Variants in ZRANB3 observed in about 807,000 individuals in gnomAD.
The protein encoded by ZRANB3 is DNA annealing helicase and endonuclease ZRANB3.
In ZRANB3, 125 loss-of-function variants were observed where a neutral mutation model predicts 133.8. That is an observed-to-expected ratio of 0.93 (90% confidence interval 0.81 to 1.08). The LOEUF is 1.08. Among genes scored for constraint, ZRANB3 ranks in the 50% least tolerant of loss-of-function variants. The pLI, the probability that ZRANB3 is intolerant of heterozygous loss-of-function variation, is 0.00. For synonymous variants in ZRANB3, 387 were observed against 432.7 expected (o/e 0.89, Z 1.31); for missense variants, 1,229 against 1,275.5 (o/e 0.96, Z 0.56).
chr2:135,208,306 G>C (rs1391919299), intron 18 of ZRANB3, among the ~76,000 whole-genome samples: 2 of 152,326 alleles, frequency 1.3e-5, no homozygotes, highest in Non-Finnish European at 2.9e-5. Context: ...CAGCCATAAA[G>C]TGACAGAGTG....
intron 2 of ZRANB3, among the ~76,000 whole-genome samples, chr2:135,450,002 A>G (rs1398003514): frequency 6.6e-6 from 1 of 152,146 alleles, no homozygotes; most frequent in Non-Finnish European, 1.5e-5. Flanking sequence ...TCAGCCACCC[A>G]AAGTGCTGGG....
chr2:135,520,332 T>C (rs1693882353), intron 1 of ZRANB3, among the ~76,000 whole-genome samples: 1 of 150,438 alleles, frequency 6.6e-6, no homozygotes, highest in Admixed American at 6.6e-5. Context: ...GAGACGGAGG[T>C]TACAGTGAGC....
At chr2:135,499,147 T>C (rs780859466) in intron 2 of ZRANB3, among the ~76,000 whole-genome samples, 2 of 152,162 alleles carry the variant, frequency 1.3e-5, no homozygotes, top group Admixed American at 6.6e-5. Context: ...ATGTCTCCCC[T>C]GGACATCCAG....
At chr2:135,433,143 AC>A (rs1689390017) in intron 2 of ZRANB3, among the ~76,000 whole-genome samples, 1 of 152,090 alleles carries the variant, frequency 6.6e-6, no homozygotes, top group African/African-American at 2.4e-5. Flanking sequence ...GGAAGAATGA[AC>A]CCCCTAAGAT....
At chr2:135,312,809 A>C (rs968897121) in intron 8 of ZRANB3, among the ~76,000 whole-genome samples, 5 of 152,046 alleles carry the variant, frequency 3.3e-5, no homozygotes, top group African/African-American at 1.2e-4. Context: ...TGAGGTCAGG[A>C]GTTCAAGACC....
chr2:135,442,833 T>C (rs1689839629), intron 2 of ZRANB3, among the ~76,000 whole-genome samples: 1 of 152,196 alleles, frequency 6.6e-6, no homozygotes, highest in East Asian at 1.9e-4. Context: ...AAAGAAAATG[T>C]GGGCTGGGCG....
chr2:135,523,940 A>G (rs1356283226), intron 1 of ZRANB3, among the ~76,000 whole-genome samples: 1 of 152,242 alleles, frequency 6.6e-6, no homozygotes, highest in Non-Finnish European at 1.5e-5. Context: ...AGTGGGATAA[A>G]CAGTTTTAAG....
chr2:135,231,811 G>A (rs149537138), intron 12 of ZRANB3, among the ~76,000 whole-genome samples: 1 of 151,826 alleles, frequency 6.6e-6, no homozygotes, highest in Non-Finnish European at 1.5e-5. Context: ...ACAAAAAAAC[G>A]GGGGATGGAG....
intron 12 of ZRANB3, among the ~76,000 whole-genome samples, chr2:135,247,111 C>T (rs561528979): frequency 5.9e-5 from 9 of 152,306 alleles, no homozygotes; most frequent in African/African-American, 2.2e-4. Context: ...ATTACTGCCT[C>T]GTGTCATTTG....
intron 2 of ZRANB3, among the ~76,000 whole-genome samples, chr2:135,428,459 A>G (rs556141321): frequency 6.6e-6 from 1 of 151,988 alleles, no homozygotes; most frequent in East Asian, 1.9e-4. Context: ...ATTCATAATG[A>G]AGATTCCAAA....
chr2:135,205,559 T>C (rs1367540577), intron 19 of ZRANB3, among the ~76,000 whole-genome samples: 1 of 152,214 alleles, frequency 6.6e-6, no homozygotes, highest in Admixed American at 6.5e-5. Context: ...TTCCACTATA[T>C]TGCTCAGGCT....
At chr2:135,510,776 C>G in intron 1 of ZRANB3, 1 of 810,074 alleles carries the variant, frequency 1.2e-6, no homozygotes, top group Non-Finnish European at 2.2e-6. Flanking sequence ...ACCTTCTGAA[C>G]AGGCTCAGAA....
At chr2:135,404,268 T>A (rs1037297853) in intron 2 of ZRANB3, among the ~76,000 whole-genome samples, 2 of 152,134 alleles carry the variant, frequency 1.3e-5, no homozygotes, top group African/African-American at 2.4e-5. Flanking sequence ...GACCTGATGG[T>A]GCTGAAAACC....
intron 1 of ZRANB3, among the ~76,000 whole-genome samples, chr2:135,505,985 G>A (rs892784162): frequency 2.6e-5 from 4 of 152,142 alleles, no homozygotes; most frequent in Admixed American, 1.3e-4. Flanking sequence ...TGGTCTGAAA[G>A]ATGTAAAAAG....
At chr2:135,256,435 TCTC>T in intron 12 of ZRANB3, among the ~76,000 whole-genome samples, 1 of 152,054 alleles carries the variant, frequency 6.6e-6, no homozygotes, top group South Asian at 2.1e-4. Flanking sequence ...TATAGACAAT[TCTC>T]CTGTCTCAGC....
At chr2:135,338,846 C>T (rs1684496422) in intron 6 of ZRANB3, among the ~76,000 whole-genome samples, 2 of 152,100 alleles carry the variant, frequency 1.3e-5, no homozygotes, top group African/African-American at 4.8e-5. Flanking sequence ...ATGTGAATAA[C>T]ACATGTATAA....
At chr2:135,208,552 C>T (rs1334417567) in intron 18 of ZRANB3, among the ~76,000 whole-genome samples, 2 of 152,214 alleles carry the variant, frequency 1.3e-5, no homozygotes, top group South Asian at 4.1e-4. Flanking sequence ...AAAAGAAAGA[C>T]TTCTAATTAT....
intron 2 of ZRANB3, among the ~76,000 whole-genome samples, chr2:135,481,270 G>T (rs1438296906): frequency 2.6e-5 from 4 of 150,944 alleles, no homozygotes; most frequent in Non-Finnish European, 5.9e-5. Flanking sequence ...ATCCTCTCCA[G>T]CACCTGTTGT....
chr2:135,312,891 G>A (rs1246947290), intron 8 of ZRANB3, among the ~76,000 whole-genome samples: 6 of 151,520 alleles, frequency 4.0e-5, no homozygotes, highest in Admixed American at 1.3e-4. Flanking sequence ...ATGGAGGCAC[G>A]TGCCTGGAAT....
Sources: gnomAD v4.1 joint callset for allele counts (sites outside exome capture counted in the v4.1 genomes callset) on GRCh38, gnomAD v4.1.1 for gene constraint, MANE v1.5 for transcripts, NCBI Gene and HGNC (gene_info 2026-07-23, HGNC 2026-07-21) for gene names.